The following IL11RA variants were observed in gnomAD, a reference collection of about 807,000 sequenced individuals.
IL11RA encodes the protein interleukin-11 receptor subunit alpha.
A neutral mutation model predicts 57.0 loss-of-function variants in IL11RA; 51 were observed. The observed-to-expected ratio is 0.89, with a 90% CI of 0.71 to 1.13. IL11RA has a LOEUF of 1.13. IL11RA is among the 50% of genes most tolerant of loss of function. IL11RA has a pLI of 0.00. For missense variants in IL11RA, 498 were observed against 539.4 expected (o/e 0.92, Z 0.76); for synonymous variants, 199 against 217.5 (o/e 0.91, Z 0.75).
chr9:34,660,147 G>C, intron 9 of IL11RA, 127 bp from the exon 10 acceptor site: 4 of 1,420,188 alleles, frequency 2.8e-6, no homozygotes, highest in Non-Finnish European at 4.0e-6. Flanking sequence ...CTAGGAGCTG[G>C]CCATGCCCTA....
chr9:34,657,785 G>A (rs1346023791), intron 7 of IL11RA, among the ~76,000 whole-genome samples, 198 bp downstream of exon 7: 1 of 151,390 alleles, frequency 6.6e-6, no homozygotes, highest in African/African-American at 2.5e-5. Context: ...TCTAGAGGCT[G>A]CTGCTGCTAC....
In IL11RA at chr9:34,658,614, G is replaced by T. The variant is rs139449152; in HGVS notation, c.741G>T (p.Pro247=). ...RASWTYPASW[P]CQPHFLLKFR... The stretch of plus-strand genomic sequence containing the variant: ...GCTGGACATACCCTGCCTCCTGGCC[G>T]TGCCAGCCCCACTTCCTGCTCAAGT... The change falls in exon 8 of 13, where the codon CCG becomes CCT. Residue 247 remains proline (P), a synonymous_variant. Transcript: ENST00000441545. The surrounding 1 kb of genome is among the most constrained non-coding windows in gnomAD (Gnocchi z 4.0). 3 of 1,613,954 alleles carry T rather than the reference G, an allele frequency of 1.9e-6. No homozygotes were observed. The highest frequency in any genetic ancestry group is 1.7e-5 in the Admixed American group (1 of 59,996).
Position 34,655,620 on chromosome 9 carries a change from A to G in IL11RA, c.116A>G (p.Gln39Arg), listed in dbSNP as rs756905973. ...CCCTCCACAGGGGTCCAGTATGGGC[A>G]GCCAGGCAGGTCCGTGAAGCTGTGT... is the stretch of plus-strand genomic sequence containing the variant. ...AWGPPGVQYG[Q>R]PGRSVKLCCP... Residue 39 changes from glutamine to arginine, a missense_variant, in exon 3 of 13, where the codon CAG (glutamine) becomes CGG (arginine). Gln to Arg is a conservative substitution (Grantham distance 43). Transcript: ENST00000441545. 1.2e-6 allele frequency: 2 copies of G among 1,614,162 alleles called. No homozygotes were observed. The highest frequency in any genetic ancestry group is 3.3e-5 in the Admixed American group (2 of 60,022).
intron 3 of IL11RA, 106 bp from the exon 4 acceptor site, chr9:34,656,633 T>C: frequency 7.7e-7 from 1 of 1,296,382 alleles, no homozygotes; most frequent in Non-Finnish European, 1.1e-6. Context: ...AAAAGGAATT[T>C]GGGTTCTATT....
chr9:34,660,165 C>T, intron 9 of IL11RA, 109 bp from the exon 10 acceptor site: 1 of 1,523,552 alleles, frequency 6.6e-7, no homozygotes, highest in East Asian at 2.3e-5. Context: ...CTATCAGGCT[C>T]CTCCTCCTAG....
intron 11 of IL11RA, 61 bp from the exon 12 acceptor site, chr9:34,660,793 C>G (rs902032485): frequency 1.4e-6 from 2 of 1,467,330 alleles, no homozygotes; most frequent in African/African-American, 2.8e-5. Context: ...CTAATAAACC[C>G]TTTGGCGGAG....
At chr9:34,655,517 G>A (rs1487620659) in intron 2 of IL11RA, 88 bp from the exon 3 acceptor site, 4 of 1,241,948 alleles carry the variant, frequency 3.2e-6, no homozygotes, top group Non-Finnish European at 4.7e-6. Context: ...CACCACCCAG[G>A]TTTTAACAGT....
rs993485318 is a variant in IL11RA at position 34,655,355 on chromosome 9, C to T, written c.100+38C>T. 3.2e-6 allele frequency: 4 copies of T among 1,253,662 alleles called. No individual in the cohort carries two copies. In the Admixed American group the frequency reaches 5.4e-5, roughly 17 times the overall value. 77.7% of individuals were successfully genotyped at this position (1,253,662 alleles called of 1,614,324 possible). A position where few individuals can be genotyped will look rare whatever the true frequency, so the allele number is the denominator to read the frequency against. On this transcript the variant is annotated intron_variant, in intron 2 of 12. Coordinates refer to ENST00000441545, the MANE Select transcript of IL11RA (RefSeq NM_001142784.3). ...CTGCTCTACAACCTCCCAACTCTGA[C>T]TTGTGACTTGCCACCCTCACTGTGG...
chr9:34,655,016 TGC>T (rs1554709970), intron 1 of IL11RA, 200 bp from the exon 2 acceptor site: 23 of 557,526 alleles, frequency 4.1e-5, no homozygotes, highest in Middle Eastern at 5.0e-4. Context: ...TGTGTGTGTG[TGC>T]GCGCGCACGC....
Position 34,655,282 on chromosome 9 carries a change from C to T in IL11RA, c.65C>T (p.Ala22Val). 6.2e-7 allele frequency: 1 copy of T among 1,610,876 alleles called. No individual in the cohort carries two copies. Among genetic ancestry groups the T allele is most frequent in the Non-Finnish European group, 8.5e-7 (1 of 1,178,474 alleles). The stretch of plus-strand genomic sequence containing the variant: ...GCCGTGGCTACAGCCCTGGTGTCTG[C>T]CTCCTCCCCCTGCCCCCAGGCCTGG... ...LVAVATALVS[A>V]SSPCPQAWGP... is the part of the protein sequence containing the mutation. Residue 22 changes from alanine to valine, a missense_variant, in exon 2 of 13, where the codon GCC becomes GTC. Transcript: ENST00000441545.
rs1821347957 is a variant in IL11RA at position 34,656,642 on chromosome 9, T to C, written c.162-97T>C. The stretch of plus-strand genomic sequence containing the variant: ...GCCAGTAAAAGGAATTTGGGTTCTA[T>C]TGCAAATGCAGTTAGAAGCCAATGG... On this transcript the variant is annotated intron_variant, in intron 3 of 12. Coordinates refer to ENST00000441545, the MANE Select transcript of IL11RA (RefSeq NM_001142784.3). 8 of 1,403,728 alleles carry C rather than the reference T, an allele frequency of 5.7e-6. No homozygotes were observed. The East Asian group carries it at 6.9e-5, about 12-fold the overall frequency. The allele number at this position is 1,403,728 out of a possible 1,614,324, so 87.0% of individuals were successfully genotyped here.
rs1180394358 is a variant in IL11RA, at chr9:34,660,255, G to T, written c.953-19G>T. ...CCCCACCAGCGTATGGACACTTATTGGGTCTTGCCTTCCTTTAGGGACCAT... is the reference window on the plus strand; with the variant it reads ...CCCCACCAGCGTATGGACACTTATTTGGTCTTGCCTTCCTTTAGGGACCAT... On this transcript the variant is annotated intron_variant, in intron 9 of 12. Transcript: ENST00000441545. 3.1e-6 allele frequency: 5 copies of T among 1,614,008 alleles called. No individual in the cohort carries two copies. The African/African-American group carries it at 6.7e-5, about 22-fold the overall frequency.
At chr9:34,655,563 G>C (rs773586271) in intron 2 of IL11RA, 42 bp from the exon 3 acceptor site, 3 of 1,575,740 alleles carry the variant, frequency 1.9e-6, no homozygotes, top group Non-Finnish European at 1.7e-6. Flanking sequence ...AAGTGGGGAG[G>C]GGGGTAAAGG....
At chr9:34,655,726 C>T (rs1047689107) in intron 3 of IL11RA, 61 bp downstream of exon 3, 71 of 1,432,628 alleles carry the variant, frequency 5.0e-5, no homozygotes, top group Non-Finnish European at 6.9e-5. Flanking sequence ...TCTGCCTAGT[C>T]CTCATGTCCC....
chr9:34,655,107 A>G (rs184205817), intron 1 of IL11RA, 111 bp from the exon 2 acceptor site: 1 of 763,782 alleles, frequency 1.3e-6, no homozygotes, highest in Admixed American at 2.0e-5. Context: ...GCCTTACCCC[A>G]CTTGGTGCAT....
chr9:34,654,602 G>A (rs1478322032), intron 1 of IL11RA, among the ~76,000 whole-genome samples: 3 of 152,214 alleles, frequency 2.0e-5, no homozygotes, highest in African/African-American at 7.2e-5. Flanking sequence ...GAAGTGTCAA[G>A]AGCCAGGCCC....
At chr9:34,656,034 CTT>C (rs556829448) in intron 3 of IL11RA, 3,238 of 252,528 alleles carry the variant, frequency 0.013, no homozygotes, top group South Asian at 0.028. Flanking sequence ...TGAGTGGTTA[CTT>C]TTTTTTTTTT....
At chr9:34,657,975 TTA>T (rs1254813922) in intron 7 of IL11RA, among the ~76,000 whole-genome samples, 1 of 152,226 alleles carries the variant, frequency 6.6e-6, no homozygotes, top group African/African-American at 2.4e-5. Context: ...AATTGCTCTT[TTA>T]TTCACTCAAG....
chr9:34,653,626 G>A lies in IL11RA; in HGVS notation c.-1+1393G>A, dbSNP rs929714547. On this transcript the variant is annotated intron_variant, in intron 1 of 12. Coordinates refer to ENST00000441545, the MANE Select transcript of IL11RA (RefSeq NM_001142784.3). This position sits in a 1 kb window ranked among gnomAD's most constrained non-coding sequence, Gnocchi z 4.5. ...CCCTTTTGTTAACTGTGCCTCTTGAGTCTGTGTGTGAATGTGACTGTGTCT... is the reference window on the plus strand; with the variant it reads ...CCCTTTTGTTAACTGTGCCTCTTGAATCTGTGTGTGAATGTGACTGTGTCT... Among the ~76,000 whole-genome samples the A allele has an allele frequency of 6.6e-6, 1 of 152,248 alleles. No individual in the cohort carries two copies. Among genetic ancestry groups the A allele is most frequent in the Non-Finnish European group, 1.5e-5 (1 of 68,046 alleles).
Sources: allele counts gnomAD v4.1 joint callset (sites outside exome capture counted in the v4.1 genomes callset), GRCh38; gene constraint gnomAD v4.1.1; non-coding constraint Gnocchi (gnomAD v3.1); transcripts MANE v1.5; gene names NCBI Gene and HGNC (gene_info 2026-07-23, HGNC 2026-07-21).